Variants in FSTL4 observed in about 807,000 individuals in gnomAD.
The protein encoded by FSTL4 is follistatin-related protein 4.
Under a neutral mutation model 78.2 loss-of-function variants are expected in FSTL4, and 28 were observed. The ratio of observed to expected loss-of-function variants is 0.36; its 90% CI spans 0.27 to 0.49. The LOEUF (loss-of-function observed/expected upper bound fraction) is 0.49. FSTL4 is among the 20% of genes least tolerant of loss of function. FSTL4 has a pLI of 0.98. For missense variants in FSTL4, 922 were observed against 1,084.9 expected, an observed-to-expected ratio of 0.85 and a Z score of 2.11; for synonymous variants, 422 against 440.5, an observed-to-expected ratio of 0.96 and a Z score of 0.53.
chr5:133,486,615 G>T (rs1015797040), intron 3 of FSTL4, among the ~76,000 whole-genome samples: 2 of 152,120 alleles, frequency 1.3e-5, no homozygotes, highest in African/African-American at 4.8e-5. Flanking sequence ...CATCTCTTGT[G>T]CTAAGAAAGC....
chr5:133,342,817 C>T (rs1187848061), intron 4 of FSTL4, among the ~76,000 whole-genome samples: 1 of 152,224 alleles, frequency 6.6e-6, no homozygotes, highest in Non-Finnish European at 1.5e-5. Flanking sequence ...TGCATACCCC[C>T]TTGGTCGTTT....
intron 6 of FSTL4, among the ~76,000 whole-genome samples, chr5:133,260,689 C>T (rs1425041380): frequency 1.3e-5 from 2 of 152,210 alleles, no homozygotes; most frequent in African/African-American, 4.8e-5. Context: ...TCCTGGTATC[C>T]TGTTTTCAGG....
At chr5:133,572,971 G>A (rs151125929) in intron 2 of FSTL4, among the ~76,000 whole-genome samples, 8 of 152,256 alleles carry the variant, frequency 5.3e-5, no homozygotes, top group Admixed American at 3.3e-4. Flanking sequence ...TGGGCTGGGC[G>A]AGGTGACTCA....
the FSTL4 span, among the ~76,000 whole-genome samples, chr5:133,742,953 G>A: frequency 2.0e-4 from 31 of 152,248 alleles, no homozygotes; most frequent in African/African-American, 6.0e-4. Flanking sequence ...AGTCATCCCC[G>A]GGTGTGACTG....
the FSTL4 span, among the ~76,000 whole-genome samples, chr5:133,813,702 C>G: frequency 1.3e-5 from 2 of 152,326 alleles, no homozygotes; most frequent in Non-Finnish European, 2.9e-5. Context: ...AAATTTGCTG[C>G]ATGTGTAAAT....
chr5:133,226,433 A>G (rs918998746), intron 8 of FSTL4, among the ~76,000 whole-genome samples: 4 of 152,134 alleles, frequency 2.6e-5, no homozygotes, highest in African/African-American at 9.7e-5. Context: ...CACTCACCAG[A>G]CGAGCATGGG....
At chr5:133,632,852 A>G in the FSTL4 span, among the ~76,000 whole-genome samples, 1 of 151,902 alleles carries the variant, frequency 6.6e-6, no homozygotes, top group Non-Finnish European at 1.5e-5. Context: ...ACACTCAGCT[A>G]ATTTTTTTTG....
chr5:133,645,716 G>A, the FSTL4 span, among the ~76,000 whole-genome samples: 29,634 of 152,042 alleles, frequency 0.19, 3,001 homozygotes, highest in Middle Eastern at 0.41. Flanking sequence ...TCATGAGAGT[G>A]AGGAAGAGGG....
At chr5:133,557,114 G>A (rs1467349971) in intron 3 of FSTL4, among the ~76,000 whole-genome samples, 3 of 152,184 alleles carry the variant, frequency 2.0e-5, no homozygotes, top group East Asian at 1.9e-4. Flanking sequence ...GAACCCAATC[G>A]CTGGAGGCAG....
intron 1 of FSTL4, among the ~76,000 whole-genome samples, chr5:133,609,617 A>G (rs989524084): frequency 6.6e-6 from 1 of 152,242 alleles, no homozygotes; most frequent in Non-Finnish European, 1.5e-5. Flanking sequence ...AGCAAGCCCT[A>G]ATGAAGTTAA....
intron 3 of FSTL4, among the ~76,000 whole-genome samples, chr5:133,521,719 T>C (rs958125652): frequency 1.3e-5 from 2 of 152,212 alleles, no homozygotes; most frequent in African/African-American, 4.8e-5. Flanking sequence ...CGAACCCTAT[T>C]AACTCTTTAT....
At chr5:133,741,207 G>A in the FSTL4 span, among the ~76,000 whole-genome samples, 118,768 of 152,170 alleles carry the variant, frequency 0.78, 47,166 homozygotes, top group East Asian at 0.95. Flanking sequence ...CCATATTCCC[G>A]GAAGCAGAAC....
chr5:133,599,746 C>T (rs1760816461), intron 2 of FSTL4, among the ~76,000 whole-genome samples: 1 of 152,032 alleles, frequency 6.6e-6, no homozygotes, highest in African/African-American at 2.4e-5. Flanking sequence ...AAGTGGGAGG[C>T]TCCCACCATA....
chr5:133,694,869 C>T, the FSTL4 span, among the ~76,000 whole-genome samples: 15 of 152,160 alleles, frequency 9.9e-5, no homozygotes, highest in Non-Finnish European at 2.2e-4. Flanking sequence ...GAAGCAAGCT[C>T]CCTTGTCTCT....
chr5:133,820,677 T>C, the FSTL4 span, among the ~76,000 whole-genome samples: 1 of 152,074 alleles, frequency 6.6e-6, no homozygotes, highest in Non-Finnish European at 1.5e-5. Context: ...AAACCCGGAG[T>C]CAAGTGCAGC....
At chr5:133,438,168 T>C (rs1757075187) in intron 3 of FSTL4, among the ~76,000 whole-genome samples, 1 of 152,222 alleles carries the variant, frequency 6.6e-6, no homozygotes, top group Non-Finnish European at 1.5e-5. Context: ...ATATCTGAAC[T>C]CTTGCATATC....
At chr5:133,687,563 G>A in the FSTL4 span, among the ~76,000 whole-genome samples, 1 of 152,148 alleles carries the variant, frequency 6.6e-6, no homozygotes, top group Non-Finnish European at 1.5e-5. Flanking sequence ...ATTGCACACT[G>A]GAAGGGCTTT....
At chr5:133,335,496 C>A (rs996008223) in intron 4 of FSTL4, among the ~76,000 whole-genome samples, 2 of 152,080 alleles carry the variant, frequency 1.3e-5, no homozygotes, top group Admixed American at 1.3e-4. Context: ...ATGGTCCAGT[C>A]ATGCCTGACT....
the FSTL4 span, among the ~76,000 whole-genome samples, chr5:133,828,239 G>A: frequency 2.0e-5 from 3 of 152,148 alleles, no homozygotes; most frequent in African/African-American, 7.2e-5. Context: ...GGCTGGGAAG[G>A]GAAAGAGCAA....
Sources: gnomAD v4.1 joint callset for allele counts (sites outside exome capture counted in the v4.1 genomes callset) on GRCh38, gnomAD v4.1.1 for gene constraint, MANE v1.5 for transcripts, NCBI Gene and HGNC (gene_info 2026-07-23, HGNC 2026-07-21) for gene names.